The following SKI variants were observed in gnomAD, a reference collection of about 807,000 sequenced individuals.
The protein encoded by SKI is SKI proto-oncogene.
A neutral mutation model predicts 59.3 loss-of-function variants in SKI; 23 were observed. The observed-to-expected ratio is 0.39, with a 90% CI of 0.28 to 0.55. The LOEUF is 0.55. Ranked by LOEUF, SKI falls within the 20% of genes least tolerant of loss-of-function variation. SKI has a pLI of 0.67. For synonymous variants in SKI, 673 were observed against 488.6 expected (o/e 1.38, Z -4.98); for missense variants, 1,017 against 1,038.9 (o/e 0.98, Z 0.29).
chr1:2,244,221 C>T (rs1218358943), intron 1 of SKI, among the ~76,000 whole-genome samples: 1 of 152,058 alleles, frequency 6.6e-6, no homozygotes, highest in Admixed American at 6.5e-5. Context: ...GCCTCGGCCT[C>T]CCAAAGTGCT....
In SKI at chr1:2,229,093, C is replaced by G. The variant is rs763316588; in HGVS notation, c.327C>G (p.Thr109=). 1 of 1,609,618 alleles carries G rather than the reference C, an allele frequency of 6.2e-7. No homozygotes were observed. The highest frequency in any genetic ancestry group is 1.3e-5 in the African/African-American group (1 of 75,046). Residue 109 remains threonine, a synonymous_variant, in exon 1 of 7, where the codon ACC becomes ACG. Coordinates refer to ENST00000378536, the MANE Select transcript of SKI (RefSeq NM_003036.4). This position sits in a 1 kb window ranked among gnomAD's most constrained non-coding sequence, Gnocchi z 6.3. Reference sequence around the variant, plus strand: ...GCGAGACCGTACTGGAAGGCGAGACCATCTCGTGCTTCGTGGTGGGAGGCG... The same window carrying G: ...GCGAGACCGTACTGGAAGGCGAGACGATCTCGTGCTTCGTGGTGGGAGGCG... ...ERCETVLEGE[T]ISCFVVGGEK... is the part of the protein sequence containing the mutation.
At chr1:2,263,241 T>C (rs1639426220) in intron 1 of SKI, among the ~76,000 whole-genome samples, 1 of 149,574 alleles carries the variant, frequency 6.7e-6, no homozygotes, top group Non-Finnish European at 1.5e-5. Flanking sequence ...AGAATTTTTT[T>C]TTTTTTTTTT....
At chr1:2,251,900 C>G (rs1247622678) in intron 1 of SKI, among the ~76,000 whole-genome samples, 3 of 152,248 alleles carry the variant, frequency 2.0e-5, no homozygotes, top group Non-Finnish European at 4.4e-5. Context: ...CCGGGCACAG[C>G]GTGGCTGAAC....
At chr1:2,279,979 AC>A (rs1479418364) in intron 1 of SKI, among the ~76,000 whole-genome samples, 4 of 151,872 alleles carry the variant, frequency 2.6e-5, no homozygotes, top group Non-Finnish European at 2.9e-5. Flanking sequence ...ATTGGGCCCC[AC>A]CCCCAGCCCT....
At chr1:2,305,683 A>G (rs908189602) in intron 5 of SKI, among the ~76,000 whole-genome samples, 17 of 152,138 alleles carry the variant, frequency 1.1e-4, no homozygotes, top group Non-Finnish European at 2.4e-4. Context: ...TGCCCTCCTC[A>G]CATTGATGGG....
chr1:2,276,501 GC>G (rs1639746669), intron 1 of SKI, among the ~76,000 whole-genome samples: 1 of 152,242 alleles, frequency 6.6e-6, no homozygotes, highest in African/African-American at 2.4e-5. Flanking sequence ...GGCCTGTAGG[GC>G]CCCCTGTCTG....
rs998731148 is a variant in SKI, at chr1:2,235,045, A to T, written c.969+5310A>T. Among the ~76,000 whole-genome samples the T allele has an allele frequency of 2.1e-4, 28 of 135,358 alleles. 1 individual carries two copies. Among genetic ancestry groups the T allele is most frequent in the South Asian group, 9.1e-4 (4 of 4,390 alleles). The allele number at this position is 135,358 out of a possible 152,430, so 88.8% of individuals were successfully genotyped here. ...TGGAGCAGGGTTTTTTTTTGTTGTTATTTTTTTTTTTTTTTGAGACAGGGT... is the reference window on the plus strand; with the variant it reads ...TGGAGCAGGGTTTTTTTTTGTTGTTTTTTTTTTTTTTTTTTGAGACAGGGT... On this transcript the variant is annotated intron_variant, in intron 1 of 6. Transcript: ENST00000378536.
At position 2,229,999 on chromosome 1, in the gene SKI, G is replaced by A. The variant is rs1451274620; in HGVS notation, c.969+264G>A. The stretch of plus-strand genomic sequence containing the variant: ...GGGTGGGGGGCCAGGCCTGGTGTGT[G>A]GGGAAGGCCCGCAGGCCCACAGGCA... On this transcript the variant is annotated intron_variant, in intron 1 of 6. Transcript: ENST00000378536. The surrounding 1 kb of genome is among the most constrained non-coding windows in gnomAD (Gnocchi z 6.3). Among the ~76,000 whole-genome samples, 1 of 152,228 alleles carries A rather than the reference G, an allele frequency of 6.6e-6. No individual in the cohort carries two copies. The highest frequency in any genetic ancestry group is 1.5e-5 in the Non-Finnish European group (1 of 68,026).
At chr1:2,251,284 C>CT (rs1335850726) in intron 1 of SKI, among the ~76,000 whole-genome samples, 2 of 152,078 alleles carry the variant, frequency 1.3e-5, no homozygotes, top group Non-Finnish European at 1.5e-5. Flanking sequence ...TGCTGATGTT[C>CT]TTTTATTTAT....
rs757392745 is a variant in SKI, at chr1:2,241,210, T to C, written c.969+11475T>C. On this transcript the variant is annotated intron_variant, in intron 1 of 6. Coordinates refer to ENST00000378536, the MANE Select transcript of SKI (RefSeq NM_003036.4). ...GGAACAATTCTCATTTTACTGTCAT[T>C]ATGAACTTGCGGCTTAAATATGTCT... Among the ~76,000 whole-genome samples the C allele has an allele frequency of 1.1e-4, 16 of 152,314 alleles. 1 individual carries two copies. Among genetic ancestry groups the C allele is most frequent in the South Asian group, 6.2e-4 (3 of 4,820 alleles).
intron 1 of SKI, among the ~76,000 whole-genome samples, chr1:2,260,406 G>T (rs1039506729): frequency 6.6e-6 from 1 of 152,072 alleles, no homozygotes; most frequent in African/African-American, 2.4e-5. Flanking sequence ...CTGGATGCAA[G>T]TCCCTTTTCA....
chr1:2,242,091 C>T lies in SKI; in HGVS notation c.969+12356C>T, dbSNP rs1011899379. On this transcript the variant is annotated intron_variant, in intron 1 of 6. Coordinates refer to ENST00000378536, the MANE Select transcript of SKI (RefSeq NM_003036.4). ...TGGGAGGCAGCAGGCCAGGAGAGAGCGGAGCTGGTTGGAGGAGGGCCAGCC... is the reference window on the plus strand; with the variant it reads ...TGGGAGGCAGCAGGCCAGGAGAGAGTGGAGCTGGTTGGAGGAGGGCCAGCC... Among the ~76,000 whole-genome samples, 68 of 152,192 alleles carry T rather than the reference C, an allele frequency of 4.5e-4. 1 individual carries two copies. Among genetic ancestry groups the T allele is most frequent in the Middle Eastern group, 3.2e-3 (1 of 316 alleles).
At chr1:2,250,772 T>G (rs1639129312) in intron 1 of SKI, among the ~76,000 whole-genome samples, 1 of 152,278 alleles carries the variant, frequency 6.6e-6, no homozygotes, top group African/African-American at 2.4e-5. Context: ...AGTTTACTTC[T>G]GCCTGGGACC....
At chr1:2,273,979 C>G (rs1383735092) in intron 1 of SKI, among the ~76,000 whole-genome samples, 1 of 152,152 alleles carries the variant, frequency 6.6e-6, no homozygotes, top group Non-Finnish European at 1.5e-5. Flanking sequence ...AGCCCCACAA[C>G]AGTGTCCTGG....
chr1:2,229,759 C>T lies in SKI; in HGVS notation c.969+24C>T, dbSNP rs968064210. The T allele has an allele frequency of 4.5e-6, 7 of 1,551,314 alleles. No individual in the cohort carries two copies. Among genetic ancestry groups the T allele is most frequent in the Non-Finnish European group, 6.1e-6 (7 of 1,147,670 alleles). ...GGGTGAGTGGCCCCAGGCCTGGGAG[C>T]TGGGGAGGATGCGCTTGGGGTGGGG... On this transcript the variant is annotated intron_variant, in intron 1 of 6. Transcript: ENST00000378536. This position sits in a 1 kb window ranked among gnomAD's most constrained non-coding sequence, Gnocchi z 6.3.
intron 1 of SKI, among the ~76,000 whole-genome samples, chr1:2,279,252 T>C (rs545746602): frequency 6.6e-6 from 1 of 152,340 alleles, no homozygotes; most frequent in Admixed American, 6.5e-5. Flanking sequence ...AACAGCAGCC[T>C]GCTAGACGCC....
At chr1:2,286,995 T>G (rs555711270) in intron 1 of SKI, among the ~76,000 whole-genome samples, 43 of 152,348 alleles carry the variant, frequency 2.8e-4, no homozygotes, top group African/African-American at 9.6e-4. Context: ...CATGGCTGCG[T>G]GCCCACAAAG....
chr1:2,304,115 C>A lies in SKI; in HGVS notation c.1474+13C>A. 1.2e-6 allele frequency: 2 copies of A among 1,611,744 alleles called. No homozygotes were observed. Among genetic ancestry groups the A allele is most frequent in the South Asian group, 2.2e-5 (2 of 90,870 alleles). ...AGCAGGGAGGAATGTACGTGTGAGT[C>A]GCTTTCTGTGCCTCCTCCCTGTGGG... On this transcript the variant is annotated intron_variant, in intron 4 of 6. Transcript: ENST00000378536.
At chr1:2,293,115 A>G (rs1018961087) in intron 1 of SKI, among the ~76,000 whole-genome samples, 1 of 152,160 alleles carries the variant, frequency 6.6e-6, no homozygotes, top group Non-Finnish European at 1.5e-5. Flanking sequence ...TCCCACAAGG[A>G]CGGAGGCTCA....
Sources: allele counts gnomAD v4.1 joint callset (sites outside exome capture counted in the v4.1 genomes callset), GRCh38; gene constraint gnomAD v4.1.1; non-coding constraint Gnocchi (gnomAD v3.1); transcripts MANE v1.5; gene names NCBI Gene and HGNC (gene_info 2026-07-23, HGNC 2026-07-21).